PCDHGA5: variants seen among roughly 807,000 people sequenced by gnomAD.
PCDHGA5 encodes protocadherin gamma subfamily A, 5, also known as protocadherin gamma-A5.
A neutral mutation model predicts 56.7 loss-of-function variants in PCDHGA5; 36 were observed. The observed-to-expected ratio is 0.64, with a 90% CI of 0.49 to 0.84. The LOEUF (loss-of-function observed/expected upper bound fraction) is 0.84, where lower values mean the gene tolerates loss of function less well. Among genes scored for constraint, PCDHGA5 ranks in the 40% least tolerant of loss-of-function variants. PCDHGA5 has a pLI of 0.00. For missense variants in PCDHGA5, 1,305 were observed against 1,201.5 expected (o/e 1.09, Z -1.27); for synonymous variants, 563 against 520.2 (o/e 1.08, Z -1.12).
chr5:141,502,955 T>C (rs2099817293), intron 2 of PCDHGA5, among the ~76,000 whole-genome samples: 1 of 149,868 alleles, frequency 6.7e-6, no homozygotes, highest in Non-Finnish European at 1.5e-5. Context: ...GCGATTCTCC[T>C]GCCTCAGCCT....
Position 141,487,413 on chromosome 5 carries a change from A to G in PCDHGA5, c.2422-7394A>G, listed in dbSNP as rs1562119204. The G allele has an allele frequency of 1.2e-6, 2 of 1,614,172 alleles. No homozygotes were observed. The highest frequency in any genetic ancestry group is 2.2e-5 in the East Asian group (1 of 44,862). ...AGGAGGGAGGGGCTTCCCCCTTCCA[A>G]TGGGATCCTCCGAATCCAGCTAGGG... On this transcript the variant is annotated intron_variant, in intron 1 of 3. Coordinates refer to ENST00000518069, the MANE Select transcript of PCDHGA5 (RefSeq NM_018918.3). This position sits in a 1 kb window ranked among gnomAD's most constrained non-coding sequence, Gnocchi z 5.0.
chr5:141,439,965 T>C (rs1212358198), intron 1 of PCDHGA5: 1 of 152,760 alleles, frequency 6.5e-6, no homozygotes, highest in Non-Finnish European at 1.5e-5. Flanking sequence ...CGTTATTCAG[T>C]CCTAGAGGAG....
In PCDHGA5 at chr5:141,485,910, G is replaced by C. The variant is rs142273728; in HGVS notation, c.2422-8897G>C. On this transcript the variant is annotated intron_variant, in intron 1 of 3. Transcript: ENST00000518069. The surrounding 1 kb of genome is among the most constrained non-coding windows in gnomAD (Gnocchi z 5.7). ...AACGCCCCAGCCTTCCAGCAATCCAGCTACAGGATTAGTGTGTTGGAGAGC... is the reference window on the plus strand; with the variant it reads ...AACGCCCCAGCCTTCCAGCAATCCACCTACAGGATTAGTGTGTTGGAGAGC... The C allele has an allele frequency of 1.2e-6, 2 of 1,614,078 alleles. No homozygotes were observed. Among genetic ancestry groups the C allele is most frequent in the African/African-American group, 2.7e-5 (2 of 74,932 alleles).
At chr5:141,435,391 A>C (rs1328617100) in intron 1 of PCDHGA5, among the ~76,000 whole-genome samples, 5 of 152,202 alleles carry the variant, frequency 3.3e-5, no homozygotes, top group African/African-American at 1.2e-4. Flanking sequence ...CCGTATTGCC[A>C]TGACGAAAAA....
intron 1 of PCDHGA5, chr5:141,407,989 T>C: frequency 1.2e-6 from 1 of 833,618 alleles, no homozygotes; most frequent in Non-Finnish European, 1.8e-6. Context: ...TCCGTCAGCC[T>C]CTGGCCTGGG....
chr5:141,480,265 A>G (rs1041908141), intron 1 of PCDHGA5, among the ~76,000 whole-genome samples: 2 of 151,784 alleles, frequency 1.3e-5, no homozygotes, highest in African/African-American at 2.4e-5. Context: ...ATGTGTTTTC[A>G]TTAGCTGGGT....
Position 141,486,255 on chromosome 5 carries a change from A to G in PCDHGA5, c.2422-8552A>G. 1 of 1,614,028 alleles carries G rather than the reference A, an allele frequency of 6.2e-7. No homozygotes were observed. Reference sequence around the variant, plus strand: ...ACCTCAGAGCTTGGAACCCTCCCCGAGAGTGCAGAACCTGGCACTGTGGTG... The same window carrying G: ...ACCTCAGAGCTTGGAACCCTCCCCGGGAGTGCAGAACCTGGCACTGTGGTG... On this transcript the variant is annotated intron_variant, in intron 1 of 3. Coordinates refer to ENST00000518069, the MANE Select transcript of PCDHGA5 (RefSeq NM_018918.3). This position sits in a 1 kb window ranked among gnomAD's most constrained non-coding sequence, Gnocchi z 5.0.
intron 3 of PCDHGA5, among the ~76,000 whole-genome samples, chr5:141,506,202 G>A (rs911181875): frequency 6.6e-6 from 1 of 152,184 alleles, no homozygotes; most frequent in Non-Finnish European, 1.5e-5. Context: ...TGTAATCCCA[G>A]CACTTTGGGA....
rs145286084 is a variant in PCDHGA5, at chr5:141,369,646, G to A, written c.2421+2895G>A. Among the ~76,000 whole-genome samples, 4 of 152,222 alleles carry A rather than the reference G, an allele frequency of 2.6e-5. No homozygotes were observed. The East Asian group carries it at 7.7e-4, about 29-fold the overall frequency. On this transcript the variant is annotated intron_variant, in intron 1 of 3. Coordinates refer to ENST00000518069, the MANE Select transcript of PCDHGA5 (RefSeq NM_018918.3). ...CATTACCTTTAACTTCTTTTGGGGG[G>A]AGATAATAAAGATAAAAGAGAAGAA...
At chr5:141,370,379 A>AGGCGCAGAGAGCGGGAAG in intron 1 of PCDHGA5, 1 of 1,529,484 alleles carries the variant, frequency 6.5e-7, no homozygotes, top group Non-Finnish European at 8.8e-7. Context: ...AGAAAGGCAA[A>AGGCGCAGAGAGCGGGAAG]GGCGCAGAGA....
intron 1 of PCDHGA5, among the ~76,000 whole-genome samples, chr5:141,464,286 A>AT (rs1453289283): frequency 6.6e-6 from 1 of 151,420 alleles, no homozygotes; most frequent in African/African-American, 2.4e-5. Flanking sequence ...AAGCAAAAAA[A>AT]AAAACTCCAT....
intron 1 of PCDHGA5, chr5:141,409,801 G>A: frequency 1.2e-6 from 2 of 1,611,946 alleles, no homozygotes; most frequent in South Asian, 2.2e-5. Context: ...TCACGCTGCA[G>A]GCCCGCGACC....
At chr5:141,500,223 T>TTG (rs1227708024) in intron 2 of PCDHGA5, among the ~76,000 whole-genome samples, 1 of 145,320 alleles carries the variant, frequency 6.9e-6, no homozygotes, top group Non-Finnish European at 1.5e-5. Flanking sequence ...TTTATTTATT[T>TTG]ATTGATACGT....
intron 1 of PCDHGA5, among the ~76,000 whole-genome samples, chr5:141,460,737 G>GTA (rs1393989215): frequency 2.0e-5 from 3 of 150,700 alleles, no homozygotes; most frequent in East Asian, 1.9e-4. Context: ...TATACACATT[G>GTA]TATATATATG....
rs1304025932 is a variant in PCDHGA5 at position 141,365,669 on chromosome 5, G to C, written c.1339G>C (p.Asp447His). ...HIPLKVADVN[D>H]NPPNFPQASY... is the part of the protein sequence containing the mutation. ...CCCCTTGAAAGTAGCAGACGTTAAT[G>C]ACAACCCACCCAATTTCCCTCAAGC... Residue 447 changes from aspartate (D) to histidine (H), a missense_variant, in exon 1 of 4, where the codon GAC (aspartate) becomes CAC (histidine). Physicochemically the swap from Asp to His is moderately conservative, Grantham distance 81 (BLOSUM62 -1). Transcript: ENST00000518069. The C allele has an allele frequency of 6.2e-7, 1 of 1,613,344 alleles. No individual in the cohort carries two copies. Among genetic ancestry groups the C allele is most frequent in the Admixed American group, 1.7e-5 (1 of 59,976 alleles).
chr5:141,420,494 C>A (rs978136090), intron 1 of PCDHGA5: 1 of 499,510 alleles, frequency 2.0e-6, no homozygotes, highest in Non-Finnish European at 3.1e-6. Context: ...GGGTAATCTC[C>A]GGTGACATTT....
At chr5:141,407,240 C>T (rs1011878099) in intron 1 of PCDHGA5, among the ~76,000 whole-genome samples, 3 of 152,158 alleles carry the variant, frequency 2.0e-5, no homozygotes, top group African/African-American at 7.2e-5. Context: ...ATAAAGCATA[C>T]TTCAGGCTCA....
intron 1 of PCDHGA5, chr5:141,394,644 G>C (rs765703225): frequency 1.2e-6 from 2 of 1,613,358 alleles, no homozygotes; most frequent in Admixed American, 3.3e-5. Context: ...CCTGCTCAAG[G>C]CCAGCGAGCC....
chr5:141,372,239 G>A lies in PCDHGA5; in HGVS notation c.2421+5488G>A, dbSNP rs771921907. The A allele has an allele frequency of 2.5e-6, 4 of 1,613,314 alleles. No homozygotes were observed. The Admixed American group carries it at 6.7e-5, about 27-fold the overall frequency. ...ACATTGTGCAGGCCAGCGAGCCCGGGCTGTTCAGCCTGGGCCTGCGCACGG... is the reference window on the plus strand; with the variant it reads ...ACATTGTGCAGGCCAGCGAGCCCGGACTGTTCAGCCTGGGCCTGCGCACGG... On this transcript the variant is annotated intron_variant, in intron 1 of 3. Coordinates refer to ENST00000518069, the MANE Select transcript of PCDHGA5 (RefSeq NM_018918.3).
Sources: gnomAD v4.1 joint callset for allele counts (sites outside exome capture counted in the v4.1 genomes callset) on GRCh38, gnomAD v4.1.1 for gene constraint, Gnocchi (gnomAD v3.1) non-coding constraint, MANE v1.5 for transcripts, NCBI Gene and HGNC (gene_info 2026-07-23, HGNC 2026-07-21) for gene names.